The following SLC38A1 variants were observed in gnomAD, a reference collection of about 807,000 sequenced individuals.
SLC38A1 encodes the protein solute carrier family 38 member 1.
In SLC38A1, 18 loss-of-function variants were observed where a neutral mutation model predicts 60.3. That is an observed-to-expected ratio of 0.30 (90% CI 0.21 to 0.44). The LOEUF (loss-of-function observed/expected upper bound fraction) is 0.44, where lower values mean the gene tolerates loss of function less well. SLC38A1 is among the 20% of genes least tolerant of loss of function. SLC38A1 has a pLI of 1.00. For synonymous variants in SLC38A1, 196 were observed against 212.1 expected (o/e 0.92, Z 0.66); for missense variants, 448 against 587.2 (o/e 0.76, Z 2.45).
intron 16 of SLC38A1, among the ~76,000 whole-genome samples, chr12:46,195,335 G>A (rs759902983): frequency 3.3e-5 from 5 of 151,890 alleles, no homozygotes; most frequent in African/African-American, 9.7e-5. Context: ...GGGCACCCAC[G>A]TGTTTGAGGT....
chr12:46,263,929 C>T (rs554577467), intron 1 of SLC38A1, among the ~76,000 whole-genome samples: 1 of 152,312 alleles, frequency 6.6e-6, no homozygotes, highest in African/African-American at 2.4e-5. Context: ...ATATGGAGGT[C>T]CTCATTTAAT....
At chr12:46,189,187 G>A (rs1592052893) in intron 16 of SLC38A1, 116 bp from the exon 17 acceptor site, 1 of 678,692 alleles carries the variant, frequency 1.5e-6, no homozygotes, top group Admixed American at 2.4e-5. Flanking sequence ...GGTATTCAGA[G>A]TTTGTCACAA....
intron 16 of SLC38A1, 79 bp from the exon 17 acceptor site, chr12:46,189,150 A>T: frequency 9.9e-7 from 1 of 1,010,336 alleles, no homozygotes. Context: ...AAAATAGAAC[A>T]GTTTTTCCTC....
intron 1 of SLC38A1, among the ~76,000 whole-genome samples, chr12:46,266,775 T>G (rs778301755): frequency 1.3e-5 from 2 of 152,302 alleles, no homozygotes; most frequent in South Asian, 4.1e-4. Flanking sequence ...TGGCCACATT[T>G]TTTTAAAAAG....
At chr12:46,205,868 C>T (rs1939873510) in intron 9 of SLC38A1, among the ~76,000 whole-genome samples, 1 of 152,156 alleles carries the variant, frequency 6.6e-6, no homozygotes, top group Non-Finnish European at 1.5e-5. Context: ...CTCCCCTCCA[C>T]AGCTCAGTAG....
At chr12:46,249,615 GA>G (rs1337550547) in intron 1 of SLC38A1, among the ~76,000 whole-genome samples, 1 of 151,990 alleles carries the variant, frequency 6.6e-6, no homozygotes, top group African/African-American at 2.4e-5. Flanking sequence ...AGAAAAGAGA[GA>G]AGAATCAAAT....
chr12:46,198,585 A>C, intron 14 of SLC38A1, 40 bp downstream of exon 14: 1 of 1,367,778 alleles, frequency 7.3e-7, no homozygotes, highest in Non-Finnish European at 1.0e-6. Flanking sequence ...GAAAGCCGAG[A>C]CCTCAGCTTT....
At chr12:46,246,901 G>A (rs1941640430) in intron 1 of SLC38A1, among the ~76,000 whole-genome samples, 1 of 152,210 alleles carries the variant, frequency 6.6e-6, no homozygotes, top group Admixed American at 6.5e-5. Flanking sequence ...GGTCTGGAAA[G>A]AACCTCCAGC....
intron 16 of SLC38A1, 59 bp downstream of exon 16, chr12:46,197,661 T>C: frequency 8.8e-7 from 1 of 1,134,102 alleles, no homozygotes; most frequent in Non-Finnish European, 1.3e-6. Context: ...GACTATTTAT[T>C]TTGTAAATTT....
chr12:46,189,746 T>G (rs1459226643), intron 16 of SLC38A1, among the ~76,000 whole-genome samples: 1 of 152,044 alleles, frequency 6.6e-6, no homozygotes, highest in Non-Finnish European at 1.5e-5. Context: ...GTGCTTGTGA[T>G]AGTGAATAAA....
Position 46,183,133 on chromosome 12 carries a change from T to C in SLC38A1, c.*5837A>G, listed in dbSNP as rs1938822468. On this transcript the variant is annotated 3_prime_UTR_variant, in exon 17 of 17. Coordinates refer to ENST00000398637, the MANE Select transcript of SLC38A1 (RefSeq NM_030674.4). ...AGCAGTTATAGAACAGAACTTCTTA[T>C]ATTTCTTTATTTACACCACACTCTG... The C allele has an allele frequency of 6.6e-6, 1 of 152,532 alleles. No homozygotes were observed. Among genetic ancestry groups the C allele is most frequent in the Non-Finnish European group, 1.5e-5 (1 of 68,032 alleles). The allele number at this position is 152,532 out of a possible 1,614,324, so 9.4% of individuals were successfully genotyped here.
intron 16 of SLC38A1, among the ~76,000 whole-genome samples, chr12:46,196,843 G>A (rs770150101): frequency 6.6e-6 from 1 of 152,150 alleles, no homozygotes; most frequent in African/African-American, 2.4e-5. Flanking sequence ...AGTGCACCAC[G>A]TTCAAGATGC....
chr12:46,221,655 C>T (rs1458446404), intron 5 of SLC38A1, among the ~76,000 whole-genome samples: 1 of 152,202 alleles, frequency 6.6e-6, no homozygotes, highest in African/African-American at 2.4e-5. Context: ...TGCTGAGGAG[C>T]AGCTACGTGC....
intron 5 of SLC38A1, among the ~76,000 whole-genome samples, chr12:46,215,983 T>C (rs938276330): frequency 6.6e-6 from 1 of 151,962 alleles, no homozygotes; most frequent in Non-Finnish European, 1.5e-5. Flanking sequence ...ACAAGAAAAA[T>C]TTAAAATCCA....
chr12:46,238,261 G>A (rs922889911), intron 3 of SLC38A1, among the ~76,000 whole-genome samples: 1 of 148,746 alleles, frequency 6.7e-6, no homozygotes, highest in Non-Finnish European at 1.5e-5. Flanking sequence ...ACATCACCTA[G>A]CACAGTTGAC....
At chr12:46,237,876 A>G (rs1941312824) in intron 3 of SLC38A1, among the ~76,000 whole-genome samples, 1 of 151,744 alleles carries the variant, frequency 6.6e-6, no homozygotes, top group Admixed American at 6.6e-5. Flanking sequence ...GTCAGCAGGG[A>G]CTACTGAACT....
At chr12:46,191,662 C>T (rs573953343) in intron 16 of SLC38A1, among the ~76,000 whole-genome samples, 153 of 152,108 alleles carry the variant, frequency 1.0e-3, no homozygotes, top group African/African-American at 3.4e-3. Context: ...CCTTGTAAGT[C>T]GGCTTCCTAG....
At chr12:46,264,998 T>C (rs1311429796) in intron 1 of SLC38A1, among the ~76,000 whole-genome samples, 11 of 152,246 alleles carry the variant, frequency 7.2e-5, no homozygotes, top group Admixed American at 6.5e-4. Flanking sequence ...AAAGATTACA[T>C]AGTCACAGAA....
intron 1 of SLC38A1, among the ~76,000 whole-genome samples, chr12:46,247,742 C>A (rs1469948838): frequency 6.6e-6 from 1 of 152,090 alleles, no homozygotes; most frequent in Non-Finnish European, 1.5e-5. Context: ...GTCAGATTCA[C>A]CAAAGTTGAA....
Sources: allele counts gnomAD v4.1 joint callset (sites outside exome capture counted in the v4.1 genomes callset), GRCh38; gene constraint gnomAD v4.1.1; transcripts MANE v1.5; gene names NCBI Gene and HGNC (gene_info 2026-07-23, HGNC 2026-07-21).